The following GSPT1 variants were observed in gnomAD, a reference collection of about 807,000 sequenced individuals.
GSPT1 encodes the protein G1 to S phase transition 1.
Under a neutral mutation model 72.5 loss-of-function variants are expected in GSPT1, and 20 were observed. The ratio of observed to expected loss-of-function variants is 0.28; its 90% CI spans 0.19 to 0.40. GSPT1 has a LOEUF of 0.40. Ranked by LOEUF, GSPT1 falls within the 10% of genes least tolerant of loss-of-function variation. GSPT1 has a pLI of 1.00. For synonymous variants in GSPT1, 334 were observed against 293.5 expected (o/e 1.14, Z -1.41); for missense variants, 580 against 811.9 (o/e 0.71, Z 3.47).
chr16:11,898,077 C>G (rs1443865262), intron 1 of GSPT1, 42 bp from the exon 2 acceptor site: 1 of 1,277,676 alleles, frequency 7.8e-7, no homozygotes, highest in Non-Finnish European at 1.1e-6. Context: ...TGATACTTAT[C>G]CATCCATTTC....
In GSPT1 at chr16:11,915,026, C is replaced by A. The variant is rs372596824; in HGVS notation, c.352+343G>T. ...TGGCTCCATCTGTCCTCATTCTGCG[C>A]CTCGTGGCAGGGATCCGCCGCGGCC... On this transcript the variant is annotated intron_variant, in intron 1 of 14. Transcript: ENST00000434724. The A allele has an allele frequency of 3.4e-5, 44 of 1,290,314 alleles. 2 individuals are homozygous for A. The East Asian group carries it at 1.2e-3, about 36-fold the overall frequency. The allele number at this position is 1,290,314 out of a possible 1,614,324, so 79.9% of individuals were successfully genotyped here.
chr16:11,914,141 T>C, intron 1 of GSPT1, among the ~76,000 whole-genome samples: 1 of 152,238 alleles, frequency 6.6e-6, no homozygotes, highest in Non-Finnish European at 1.5e-5. Context: ...ACTAACGTCC[T>C]GGCTAAATGA....
At chr16:11,913,021 G>A (rs1330101450) in intron 1 of GSPT1, among the ~76,000 whole-genome samples, 1 of 152,154 alleles carries the variant, frequency 6.6e-6, no homozygotes, top group African/African-American at 2.4e-5. Context: ...TTCGGCTATG[G>A]CTTAACTAAA....
intron 6 of GSPT1, among the ~76,000 whole-genome samples, chr16:11,888,921 G>A (rs1194313270): frequency 6.6e-6 from 1 of 152,168 alleles, no homozygotes; most frequent in Non-Finnish European, 1.5e-5. Flanking sequence ...TGTGTGTTAA[G>A]TGATAATGAG....
At position 11,877,361 on chromosome 16, in the gene GSPT1, A is replaced by G. The variant is rs1012296654; in HGVS notation, c.1602+46T>C. On this transcript the variant is annotated intron_variant, in intron 12 of 14. Transcript: ENST00000434724. This position sits in a 1 kb window ranked among gnomAD's most constrained non-coding sequence, Gnocchi z 4.0. ...CAAAAGGCACTGATATTCTAATTTC[A>G]TTTAGACATTAAAACCCACTATGAC... The G allele has an allele frequency of 1.5e-6, 2 of 1,323,636 alleles. No individual in the cohort carries two copies. The highest frequency in any genetic ancestry group is 3.0e-5 in the African/African-American group (2 of 67,540). The allele number at this position is 1,323,636 out of a possible 1,614,324, so 82.0% of individuals were successfully genotyped here.
chr16:11,911,106 T>C (rs2054551738), intron 1 of GSPT1, among the ~76,000 whole-genome samples: 1 of 152,240 alleles, frequency 6.6e-6, no homozygotes, highest in Non-Finnish European at 1.5e-5. Flanking sequence ...ATATGAGCAC[T>C]GTTCTTGCAG....
Position 11,886,451 on chromosome 16 carries a change from A to C in GSPT1, c.1253+20T>G. ...TAACATCCTTTTCCTTTTTAAAAAA[A>C]GGAAAAAACAGTTACTTACATGTAC... On this transcript the variant is annotated intron_variant, in intron 9 of 14. Coordinates refer to ENST00000434724, the MANE Select transcript of GSPT1 (RefSeq NM_002094.4). The C allele has an allele frequency of 6.4e-7, 1 of 1,569,824 alleles. No homozygotes were observed.
rs1199960220 is a variant in GSPT1, at chr16:11,915,903, G to C, written c.-183C>G. The C allele has an allele frequency of 2.3e-6, 2 of 872,892 alleles. No individual in the cohort carries two copies. The highest frequency in any genetic ancestry group is 2.6e-5 in the South Asian group (2 of 75,976). 54.1% of individuals were successfully genotyped at this position (872,892 alleles called of 1,614,324 possible). ...CCAGTCCCGACTCCACACTCGCGACGACGACAGAGGCGGCGGCGGCGGCAG... is the reference window on the plus strand; with the variant it reads ...CCAGTCCCGACTCCACACTCGCGACCACGACAGAGGCGGCGGCGGCGGCAG... On this transcript the variant is annotated 5_prime_UTR_variant, in exon 1 of 15. Transcript: ENST00000434724.
intron 1 of GSPT1, among the ~76,000 whole-genome samples, chr16:11,906,727 G>A (rs1452727164): frequency 1.3e-5 from 2 of 152,116 alleles, no homozygotes; most frequent in African/African-American, 4.8e-5. Flanking sequence ...CGATAAAAAA[G>A]CAAGATTCAT....
chr16:11,914,196 A>C (rs1265674194), intron 1 of GSPT1, among the ~76,000 whole-genome samples: 1 of 152,204 alleles, frequency 6.6e-6, no homozygotes, highest in African/African-American at 2.4e-5. Context: ...TTTTCTCTTT[A>C]AGGAAACACT....
rs2054066826 is a variant in GSPT1 at position 11,877,848 on chromosome 16, C to A, written c.1429-268G>T. 6.6e-6 allele frequency among the ~76,000 whole-genome samples: 1 copy of A among 152,032 alleles called. No individual in the cohort carries two copies. On this transcript the variant is annotated intron_variant, in intron 11 of 14. Transcript: ENST00000434724. The surrounding 1 kb of genome is among the most constrained non-coding windows in gnomAD (Gnocchi z 4.0). ...AGAACACTGTATACACTAGCATTTG[C>A]CTTTTTTTACCTTTTCAAAATCGAA...
chr16:11,903,578 T>C (rs2054445067), intron 1 of GSPT1, among the ~76,000 whole-genome samples: 2 of 152,144 alleles, frequency 1.3e-5, no homozygotes, highest in Non-Finnish European at 1.5e-5. Flanking sequence ...TGCCAGCTAC[T>C]TGGGAGGCTG....
Position 11,915,522 on chromosome 16 carries a change from G to T in GSPT1, c.199C>A (p.Arg67=). 1.3e-6 allele frequency: 2 copies of T among 1,528,732 alleles called. No homozygotes were observed. Among genetic ancestry groups the T allele is most frequent in the Non-Finnish European group, 1.8e-6 (2 of 1,139,576 alleles). 94.7% of individuals were successfully genotyped at this position (1,528,732 alleles called of 1,614,324 possible). A position where few individuals can be genotyped will look rare whatever the true frequency, so the allele number is the denominator to read the frequency against. ...QRENLSAAFS[R]QLNVNAKPFV... is the part of the protein sequence containing the mutation. ...GGCTTGGCGTTGACGTTGAGTTGCC[G>T]GCTGAAGGCCGCGCTGAGGTTCTCC... is the stretch of plus-strand genomic sequence containing the variant. Residue 67 remains arginine, a synonymous_variant, in exon 1 of 15, where the codon CGG becomes AGG. Coordinates refer to ENST00000434724, the MANE Select transcript of GSPT1 (RefSeq NM_002094.4).
Position 11,915,699 on chromosome 16 carries a change from C to CGCA in GSPT1, c.21_22insTGC (p.Gly7_Gly8insCys). The CGCA allele has an allele frequency of 6.7e-7, 1 of 1,494,870 alleles. No individual in the cohort carries two copies. The highest frequency in any genetic ancestry group is 1.5e-5 in the African/African-American group (1 of 67,916). 92.6% of individuals were successfully genotyped at this position (1,494,870 alleles called of 1,614,324 possible). ...CCGCCGCCGCCGCCGCCGCCGCCGC[C>CGCA]GCCGCCACTGCCCGGATCCATGATC... On this transcript the variant is annotated inframe_insertion, in exon 1 of 15. Transcript: ENST00000434724.
At chr16:11,900,143 G>A (rs931940903) in intron 1 of GSPT1, among the ~76,000 whole-genome samples, 4 of 151,972 alleles carry the variant, frequency 2.6e-5, no homozygotes, top group African/African-American at 4.8e-5. Context: ...AGACCAACCC[G>A]GCCAACATGG....
At chr16:11,905,640 G>T (rs2054479446) in intron 1 of GSPT1, among the ~76,000 whole-genome samples, 1 of 152,138 alleles carries the variant, frequency 6.6e-6, no homozygotes, top group Admixed American at 6.6e-5. Flanking sequence ...TTTGAGACCA[G>T]CCTGGCCAAC....
chr16:11,916,310 T>C (rs1387797336), upstream of GSPT1, among the ~76,000 whole-genome samples: 7 of 152,172 alleles, frequency 4.6e-5, no homozygotes. Flanking sequence ...TTGGTGCAGC[T>C]CTGTGCTGGG....
At chr16:11,912,750 G>C (rs1245175808) in intron 1 of GSPT1, among the ~76,000 whole-genome samples, 1 of 152,150 alleles carries the variant, frequency 6.6e-6, no homozygotes, top group East Asian at 1.9e-4. Flanking sequence ...ATTAAGCCTT[G>C]TCTTCTATAT....
intron 10 of GSPT1, among the ~76,000 whole-genome samples, chr16:11,883,521 G>A (rs1391495875): frequency 6.7e-6 from 1 of 149,474 alleles, no homozygotes; most frequent in African/African-American, 2.5e-5. Flanking sequence ...TCCAGAGGCT[G>A]AAGCAGAAGA....
Sources: gnomAD v4.1 joint callset for allele counts (sites outside exome capture counted in the v4.1 genomes callset) on GRCh38, gnomAD v4.1.1 for gene constraint, Gnocchi (gnomAD v3.1) non-coding constraint, MANE v1.5 for transcripts, NCBI Gene and HGNC (gene_info 2026-07-23, HGNC 2026-07-21) for gene names.